Variants in RTL4 observed in about 807,000 individuals in gnomAD.
RTL4 encodes the protein retrotransposon Gag-like protein 4.
In RTL4, 4 loss-of-function variants were observed where a neutral mutation model predicts 5.3. That is an observed-to-expected ratio of 0.75 (90% CI 0.37 to 1.72). The LOEUF is 1.72. Among genes scored for constraint, RTL4 ranks in the 40% most tolerant of loss-of-function variants. The probability of loss-of-function intolerance (pLI) is 0.04; values close to 1 mark genes in which losing one functional copy is unlikely to be tolerated. For missense variants in RTL4, 260 were observed against 227.1 expected, an observed-to-expected ratio of 1.14 and a Z score of -0.93; for synonymous variants, 98 against 87.3, an observed-to-expected ratio of 1.12 and a Z score of -0.68.
chrX:112,224,676 A>T, the RTL4 span, among the ~76,000 whole-genome samples: 1 of 111,672 alleles, frequency 9.0e-6, no homozygotes, highest in African/African-American at 3.3e-5. Flanking sequence ...AGGCACCCAC[A>T]GCAGAGATAT....
the RTL4 span, among the ~76,000 whole-genome samples, chrX:112,164,250 G>GGTAA: frequency 1.8e-5 from 2 of 110,851 alleles, no homozygotes; most frequent in African/African-American, 6.6e-5. Flanking sequence ...AAGAGTGCAT[G>GGTAA]GTAAACCCTT....
At chrX:112,392,901 A>T in the RTL4 span, among the ~76,000 whole-genome samples, 1 of 109,089 alleles carries the variant, frequency 9.2e-6, no homozygotes, top group African/African-American at 3.4e-5. Context: ...ATTACCTTGG[A>T]CTCTCCAAAG....
chrX:112,172,072 G>A, the RTL4 span, among the ~76,000 whole-genome samples: 4 of 112,501 alleles, frequency 3.6e-5, no homozygotes, highest in Non-Finnish European at 7.5e-5. Flanking sequence ...GGTGGCTCAC[G>A]CCTGTAATCT....
the RTL4 span, among the ~76,000 whole-genome samples, chrX:112,184,887 T>C: frequency 9.0e-6 from 1 of 111,707 alleles, no homozygotes; most frequent in Non-Finnish European, 1.9e-5. Context: ...TCAGCTATCT[T>C]GTTTTCTTTT....
chrX:112,262,479 A>C, the RTL4 span, among the ~76,000 whole-genome samples: 26,453 of 111,229 alleles, frequency 0.24, 2,760 homozygotes, highest in African/African-American at 0.42. Flanking sequence ...AAATGCAAAT[A>C]AAAACCACAA....
At chrX:112,239,541 C>G in the RTL4 span, among the ~76,000 whole-genome samples, 1 of 111,195 alleles carries the variant, frequency 9.0e-6, no homozygotes, top group East Asian at 2.8e-4. Context: ...ATGGCAGCAA[C>G]AAGTTAGAAC....
the RTL4 span, among the ~76,000 whole-genome samples, chrX:112,125,859 C>T: frequency 8.9e-6 from 1 of 112,071 alleles, no homozygotes; most frequent in Admixed American, 9.5e-5. Flanking sequence ...TCTACGATAA[C>T]ACTGGAACAG....
At chrX:112,090,049 A>G in the RTL4 span, among the ~76,000 whole-genome samples, 3 of 111,047 alleles carry the variant, frequency 2.7e-5, no homozygotes, top group Admixed American at 9.6e-5. Context: ...TTGATTTTCC[A>G]TTACTAGTTT....
At chrX:112,412,848 G>T in the RTL4 span, among the ~76,000 whole-genome samples, 1 of 111,278 alleles carries the variant, frequency 9.0e-6, no homozygotes. Context: ...AGCAAAGACG[G>T]TTAAATGGTA....
the RTL4 span, among the ~76,000 whole-genome samples, chrX:112,383,778 T>C: frequency 9.0e-6 from 1 of 111,117 alleles, no homozygotes; most frequent in Non-Finnish European, 1.9e-5. Flanking sequence ...CACTTACAAG[T>C]AGGAGTTAAA....
At chrX:112,394,519 T>C in the RTL4 span, among the ~76,000 whole-genome samples, 2 of 111,969 alleles carry the variant, frequency 1.8e-5, no homozygotes. Context: ...AAAATAATTA[T>C]CTTTAAAGTA....
At chrX:112,331,226 C>T in the RTL4 span, among the ~76,000 whole-genome samples, 3 of 105,583 alleles carry the variant, frequency 2.8e-5, no homozygotes, top group East Asian at 6.0e-4. Context: ...AGGCAACCTA[C>T]AAAATGGGAG....
chrX:112,115,448 G>A, the RTL4 span, among the ~76,000 whole-genome samples: 1 of 111,563 alleles, frequency 9.0e-6, no homozygotes, highest in Admixed American at 9.5e-5. Flanking sequence ...CAAAATGGAG[G>A]GGAGGGCCAT....
the RTL4 span, among the ~76,000 whole-genome samples, chrX:112,277,899 G>A: frequency 2.7e-5 from 3 of 111,699 alleles, no homozygotes; most frequent in African/African-American, 9.7e-5. Flanking sequence ...TCTAGATTCT[G>A]TTCAGAAAAA....
the RTL4 span, among the ~76,000 whole-genome samples, chrX:112,347,616 ATCT>A: frequency 8.1e-5 from 9 of 111,574 alleles, no homozygotes; most frequent in Non-Finnish European, 1.7e-4. Flanking sequence ...GAACTCTGAG[ATCT>A]TCTATTCCTT....
the RTL4 span, among the ~76,000 whole-genome samples, chrX:112,142,349 A>C: frequency 1.3e-3 from 148 of 112,407 alleles, 6 homozygotes; most frequent in Non-Finnish European, 1.0e-3. Flanking sequence ...AATCTCTTTC[A>C]GGCTCAACTT....
the RTL4 span, among the ~76,000 whole-genome samples, chrX:112,377,297 A>C: frequency 3.6e-5 from 4 of 111,868 alleles, no homozygotes; most frequent in African/African-American, 6.5e-5. Flanking sequence ...TGTCAGTCAA[A>C]AATGCATTTA....
chrX:112,286,105 A>C, the RTL4 span, among the ~76,000 whole-genome samples: 2 of 111,908 alleles, frequency 1.8e-5, no homozygotes, highest in Non-Finnish European at 3.8e-5. Context: ...ACTGTGTTTG[A>C]TAGGGTGATG....
At chrX:112,166,859 C>A in the RTL4 span, among the ~76,000 whole-genome samples, 3 of 111,846 alleles carry the variant, frequency 2.7e-5, no homozygotes, top group Non-Finnish European at 5.6e-5. Context: ...CAGGGCCTAA[C>A]ATATATTAAC....
Sources: gnomAD v4.1 joint callset for allele counts (sites outside exome capture counted in the v4.1 genomes callset) on GRCh38, gnomAD v4.1.1 for gene constraint, MANE v1.5 for transcripts, NCBI Gene and HGNC (gene_info 2026-07-23, HGNC 2026-07-21) for gene names.